Variants in UCK2 observed in about 807,000 individuals in gnomAD.
UCK2 encodes uridine-cytidine kinase 2.
UCK2 carries 6 observed loss-of-function variants against 30.8 expected under a neutral mutation model. That is an observed-to-expected ratio of 0.19 (90% CI 0.11 to 0.38). UCK2 has a LOEUF of 0.38. Ranked by LOEUF, UCK2 falls within the 10% of genes least tolerant of loss-of-function variation. The pLI is 1.00. For missense variants in UCK2, 210 were observed against 339.8 expected (o/e 0.62, Z 3.00); for synonymous variants, 125 against 133.6 (o/e 0.94, Z 0.45).
chr1:165,840,471 G>A (rs981998072), intron 1 of UCK2, among the ~76,000 whole-genome samples: 4 of 152,142 alleles, frequency 2.6e-5, no homozygotes, highest in African/African-American at 9.7e-5. Flanking sequence ...TGGTGCAATC[G>A]ATCCCTTGAA....
chr1:165,838,440 C>A (rs141073763), intron 1 of UCK2, among the ~76,000 whole-genome samples: 2 of 152,320 alleles, frequency 1.3e-5, no homozygotes, highest in African/African-American at 4.8e-5. Flanking sequence ...TCGTTAACCA[C>A]CTTCCCTCCT....
chr1:165,847,134 G>C (rs754912205), intron 1 of UCK2, among the ~76,000 whole-genome samples: 4 of 151,722 alleles, frequency 2.6e-5, no homozygotes, highest in Non-Finnish European at 4.4e-5. Context: ...AAAAAAAAAA[G>C]TATATGGTAT....
intron 1 of UCK2, chr1:165,885,335 C>T (rs1655591710): frequency 2.5e-6 from 1 of 398,378 alleles, no homozygotes; most frequent in Admixed American, 4.4e-5. Flanking sequence ...CAAAGTAATA[C>T]TTGTTGTAAT....
chr1:165,895,162 C>T (rs979456813), intron 3 of UCK2, among the ~76,000 whole-genome samples: 4 of 152,184 alleles, frequency 2.6e-5, no homozygotes, highest in Admixed American at 2.6e-4. Context: ...GCCTGTAATC[C>T]TAGCACTTTG....
intron 3 of UCK2, chr1:165,894,476 C>T (rs1655843144): frequency 6.6e-6 from 1 of 152,188 alleles, no homozygotes; most frequent in South Asian, 2.1e-4. Flanking sequence ...TGCTTCTCTA[C>T]CCTGGCTGCA....
chr1:165,880,909 T>C (rs1338319614), intron 1 of UCK2, among the ~76,000 whole-genome samples: 1 of 151,944 alleles, frequency 6.6e-6, no homozygotes. Context: ...TGGTGGCTCA[T>C]GCCTGTAATC....
Position 165,883,076 on chromosome 1 carries a change from G to A in UCK2, c.100-7128G>A, listed in dbSNP as rs1039639420. Among the ~76,000 whole-genome samples the A allele has an allele frequency of 2.3e-4, 35 of 152,012 alleles. 1 individual carries two copies. Among genetic ancestry groups the A allele is most frequent in the African/African-American group, 8.2e-4 (34 of 41,364 alleles). On this transcript the variant is annotated intron_variant, in intron 1 of 6. Transcript: ENST00000367879. The stretch of plus-strand genomic sequence containing the variant: ...CTTGACCTCGTGATCTGCCTGACTC[G>A]GCCTCTCAAAGTGCTGGGATTACGG...
intron 1 of UCK2, among the ~76,000 whole-genome samples, chr1:165,864,455 A>C (rs1654996270): frequency 6.6e-6 from 1 of 152,080 alleles, no homozygotes; most frequent in Admixed American, 6.5e-5. Flanking sequence ...TTAGGATTTC[A>C]CCTCATTATG....
intron 1 of UCK2, among the ~76,000 whole-genome samples, chr1:165,889,562 C>G (rs1450743126): frequency 6.6e-6 from 1 of 152,114 alleles, no homozygotes; most frequent in Non-Finnish European, 1.5e-5. Context: ...GTGCTGCCCT[C>G]CTTCCCCCAC....
intron 5 of UCK2, among the ~76,000 whole-genome samples, 166 bp from the exon 6 acceptor site, chr1:165,905,755 T>C (rs1647638357): frequency 6.6e-6 from 1 of 152,202 alleles, no homozygotes; most frequent in South Asian, 2.1e-4. Flanking sequence ...TATTAATAGA[T>C]GCATTCACTG....
intron 1 of UCK2, among the ~76,000 whole-genome samples, chr1:165,836,990 C>T (rs1654209752): frequency 6.6e-6 from 1 of 152,086 alleles, no homozygotes; most frequent in Non-Finnish European, 1.5e-5. Context: ...AAGTGCCTGT[C>T]CTCGTGCACA....
chr1:165,872,381 T>G lies in UCK2; in HGVS notation c.100-17823T>G, dbSNP rs146755444. Reference sequence around the variant, plus strand: ...TGAGCCACCATGCCTGGCCGTCTTTTAGGCATATAAAAGATGTTTACCCTC... The same window carrying G: ...TGAGCCACCATGCCTGGCCGTCTTTGAGGCATATAAAAGATGTTTACCCTC... On this transcript the variant is annotated intron_variant, in intron 1 of 6. Coordinates refer to ENST00000367879, the MANE Select transcript of UCK2 (RefSeq NM_012474.5). 3.1e-3 allele frequency among the ~76,000 whole-genome samples: 468 copies of G among 152,308 alleles called. 2 individuals are homozygous for G. The highest frequency in any genetic ancestry group is 0.011 in the African/African-American group (452 of 41,572).
chr1:165,890,207 TC>T lies in UCK2; in HGVS notation c.105del (p.Val36CysfsTer24). 1 of 1,614,052 alleles carries T rather than the reference TC, an allele frequency of 6.2e-7. No homozygotes were observed. On this transcript the variant is annotated frameshift_variant, in exon 2 of 7. Coordinates refer to ENST00000367879, the MANE Select transcript of UCK2 (RefSeq NM_012474.5). LOFTEE classifies it high-confidence loss of function. Reference sequence around the variant, plus strand: ...GTGCTCTCTTCTCTCCTCACAGTCTTCCGTGTGTGCTAAGATCGTGCAGCTC... The same window carrying T: ...GTGCTCTCTTCTCTCCTCACAGTCTTCGTGTGTGCTAAGATCGTGCAGCTC... ...VSGGTASGKS[S>X]VCAKIVQLLG...
intron 1 of UCK2, among the ~76,000 whole-genome samples, chr1:165,866,245 A>G (rs1471522250): frequency 6.6e-6 from 1 of 152,188 alleles, no homozygotes; most frequent in African/African-American, 2.4e-5. Flanking sequence ...GTATTTGTTA[A>G]GAGTGAATTG....
intron 1 of UCK2, among the ~76,000 whole-genome samples, chr1:165,853,858 T>C (rs1363140047): frequency 6.6e-6 from 1 of 152,180 alleles, no homozygotes; most frequent in Admixed American, 6.5e-5. Context: ...TTACCCTAAG[T>C]GTAAGGCTCT....
rs776075304 is a variant in UCK2 at position 165,891,297 on chromosome 1, G to A, written c.331G>A (p.Val111Met). 3.7e-6 allele frequency: 6 copies of A among 1,614,050 alleles called. No individual in the cohort carries two copies. Among genetic ancestry groups the A allele is most frequent in the Non-Finnish European group, 5.1e-6 (6 of 1,180,012 alleles). Residue 111 changes from valine (V) to methionine (M), a missense_variant, in exon 3 of 7, where the codon GTG (valine) becomes ATG (methionine). Around this residue, in one of 4 missense-constraint regions of UCK2, gnomAD observed 75 missense variants for 124.7 expected, o/e 0.60. Transcript: ENST00000367879. The part of the protein sequence containing the change: ...ITEGKTVQIP[V>M]YDFVSHSRKE... The stretch of plus-strand genomic sequence containing the variant: ...TGAAGGGAAAACAGTCCAGATCCCC[G>A]TGTATGACTTTGTCTCCCATTCCCG...
At chr1:165,859,076 G>A (rs1477137208) in intron 1 of UCK2, among the ~76,000 whole-genome samples, 2 of 152,144 alleles carry the variant, frequency 1.3e-5, no homozygotes, top group Non-Finnish European at 2.9e-5. Context: ...ACAGTTCACT[G>A]AGTTGCAACG....
At position 165,908,166 on chromosome 1, in the gene UCK2, A is replaced by C. The variant is rs1015338282; in HGVS notation, c.*343A>C. 1.1e-5 allele frequency: 2 copies of C among 174,356 alleles called. No individual in the cohort carries two copies. The highest frequency in any genetic ancestry group is 4.8e-5 in the African/African-American group (2 of 41,908). 10.8% of individuals were successfully genotyped at this position (174,356 alleles called of 1,614,324 possible). A position where few individuals can be genotyped will look rare whatever the true frequency, so the allele number is the denominator to read the frequency against. On this transcript the variant is annotated 3_prime_UTR_variant, in exon 7 of 7. Coordinates refer to ENST00000367879, the MANE Select transcript of UCK2 (RefSeq NM_012474.5). Reference sequence around the variant, plus strand: ...AAGCTGTTTGCCATAAGTATTTTGCAGGAGGGTCTGTACTTGAGTGTTTTA... The same window carrying C: ...AAGCTGTTTGCCATAAGTATTTTGCCGGAGGGTCTGTACTTGAGTGTTTTA...
At chr1:165,895,849 G>A (rs2101884341) in intron 3 of UCK2, 1 of 208,104 alleles carries the variant, frequency 4.8e-6, no homozygotes, top group Middle Eastern at 2.0e-3. Flanking sequence ...CGCCTTCAGA[G>A]AAAAAAAGAA....
Sources: gnomAD v4.1 joint callset for allele counts (sites outside exome capture counted in the v4.1 genomes callset) on GRCh38, gnomAD v4.1.1 for gene constraint, gnomAD v4.1.1 regional missense constraint, MANE v1.5 for transcripts, NCBI Gene and HGNC (gene_info 2026-07-23, HGNC 2026-07-21) for gene names.